The following RCSD1 variants were observed in gnomAD, a reference collection of about 807,000 sequenced individuals.
RCSD1 encodes capZ-interacting protein.
In RCSD1, 26 loss-of-function variants were observed where a neutral mutation model predicts 42.5. The ratio of observed to expected loss-of-function variants is 0.61; its 90% confidence interval spans 0.45 to 0.85. The LOEUF (loss-of-function observed/expected upper bound fraction) is 0.85. RCSD1 is among the 40% of genes least tolerant of loss of function. The pLI is 0.00. For missense variants in RCSD1, 571 were observed against 528.3 expected, an observed-to-expected ratio of 1.08 and a Z score of -0.79; for synonymous variants, 220 against 212.2, an observed-to-expected ratio of 1.04 and a Z score of -0.32.
intron 1 of RCSD1, among the ~76,000 whole-genome samples, chr1:167,670,135 C>A (rs1240201874): frequency 1.3e-5 from 2 of 152,086 alleles, no homozygotes; most frequent in East Asian, 1.9e-4. Flanking sequence ...TCCTGGAGAC[C>A]AACCACCCTT....
chr1:167,640,583 T>C (rs1657981108), intron 1 of RCSD1: 1 of 152,390 alleles, frequency 6.6e-6, no homozygotes, highest in Non-Finnish European at 1.5e-5. Context: ...AGGGTCTTGC[T>C]CTGTTGCCCA....
intron 1 of RCSD1, among the ~76,000 whole-genome samples, chr1:167,678,101 G>A (rs1658992993): frequency 6.6e-6 from 1 of 152,146 alleles, no homozygotes; most frequent in Non-Finnish European, 1.5e-5. Context: ...CTCACATTGA[G>A]AATGAAAGGC....
Position 167,705,923 on chromosome 1 carries a change from T to C in RCSD1, c.*1227T>C, listed in dbSNP as rs1659747770. On this transcript the variant is annotated 3_prime_UTR_variant, in exon 7 of 7. Transcript: ENST00000367854. ...CATTTAAACTTAGGGTCGGTCCTTA[T>C]TCTGATTTGAGTATTTTAATGTCTC... 1 of 152,236 alleles carries C rather than the reference T, an allele frequency of 6.6e-6. No individual in the cohort carries two copies. 9.4% of individuals were successfully genotyped at this position (152,236 alleles called of 1,614,324 possible).
In RCSD1 at chr1:167,697,103, G is replaced by A. The variant is rs183112924; in HGVS notation, c.479G>A (p.Arg160Gln). ...TTCCTTAACACTTTCTTCTAGGTGC[G>A]GACGAGGGGCTCAATAAAAAGGCGC... ...GSHLPCYNKV[R>Q]TRGSIKRRPP... is the part of the protein sequence containing the mutation. Residue 160 changes from arginine (R) to glutamine (Q), a missense_variant, in exon 6 of 7, where the codon CGG becomes CAG. By Grantham distance (43) the Arg-to-Gln change is conservative (BLOSUM62 1). Transcript: ENST00000367854. 255 of 1,610,970 alleles carry A rather than the reference G, an allele frequency of 1.6e-4. No individual in the cohort carries two copies. The highest frequency in any genetic ancestry group is 1.7e-4 in the Middle Eastern group (1 of 6,040).
At chr1:167,665,648 T>G (rs1658639540) in intron 1 of RCSD1, among the ~76,000 whole-genome samples, 1 of 152,238 alleles carries the variant, frequency 6.6e-6, no homozygotes, top group South Asian at 2.1e-4. Flanking sequence ...TCATTTTAAT[T>G]TAGCCATTCT....
In RCSD1 at chr1:167,705,994, G is replaced by A. The variant is rs1378101706; in HGVS notation, c.*1298G>A. On this transcript the variant is annotated 3_prime_UTR_variant, in exon 7 of 7. Coordinates refer to ENST00000367854, the MANE Select transcript of RCSD1 (RefSeq NM_052862.4). ...GGAAGAATTATTCTTCTGGAGGTCT[G>A]TTAGACTACATCCTACACTGACTTC... The A allele has an allele frequency of 6.6e-6, 1 of 152,184 alleles. No individual in the cohort carries two copies. Among genetic ancestry groups the A allele is most frequent in the Non-Finnish European group, 1.5e-5 (1 of 68,038 alleles). 9.4% of individuals were successfully genotyped at this position (152,184 alleles called of 1,614,324 possible).
chr1:167,686,437 A>C (rs1571096987), intron 3 of RCSD1, among the ~76,000 whole-genome samples: 1 of 152,216 alleles, frequency 6.6e-6, no homozygotes, highest in African/African-American at 2.4e-5. Context: ...AACAGCTGAA[A>C]TAGATCAATG....
chr1:167,686,126 T>C (rs1439905208), intron 3 of RCSD1, among the ~76,000 whole-genome samples: 5 of 152,212 alleles, frequency 3.3e-5, no homozygotes, highest in Non-Finnish European at 5.9e-5. Context: ...CCTATCTTTA[T>C]TTATCTAATT....
intron 1 of RCSD1, among the ~76,000 whole-genome samples, chr1:167,653,531 A>G (rs369596298): frequency 6.6e-6 from 1 of 152,230 alleles, no homozygotes; most frequent in Non-Finnish European, 1.5e-5. Context: ...ACAGAGCCTC[A>G]GTCTTTATCC....
chr1:167,685,612 T>G, intron 3 of RCSD1, 102 bp downstream of exon 3: 1 of 861,818 alleles, frequency 1.2e-6, no homozygotes, highest in Non-Finnish European at 1.9e-6. Context: ...ACTTTAAAGC[T>G]CAGACTCTGT....
Position 167,694,290 on chromosome 1 carries a change from C to T in RCSD1, c.462C>T (p.Pro154=). The change falls in exon 5 of 7, where the codon CCC becomes CCT. Residue 154 remains proline (P), a synonymous_variant. Coordinates refer to ENST00000367854, the MANE Select transcript of RCSD1 (RefSeq NM_052862.4). ...AGCCCCCTGAAGGCAGTCATCTGCC[C>T]TGTTACAACAAGGTAAATTCTAGCT... is the stretch of plus-strand genomic sequence containing the variant. The part of the protein sequence containing the change: ...FDQPPEGSHL[P]CYNKVRTRGS... The T allele has an allele frequency of 1.2e-6, 2 of 1,614,014 alleles. No individual in the cohort carries two copies. The highest frequency in any genetic ancestry group is 1.7e-5 in the Admixed American group (1 of 59,996).
chr1:167,680,548 A>G (rs549022780), intron 1 of RCSD1, among the ~76,000 whole-genome samples: 1 of 152,028 alleles, frequency 6.6e-6, no homozygotes, highest in Non-Finnish European at 1.5e-5. Context: ...TGATGTGAGC[A>G]GGGCTTACTG....
At chr1:167,679,543 G>GGGT (rs1659029624) in intron 1 of RCSD1, among the ~76,000 whole-genome samples, 1 of 152,244 alleles carries the variant, frequency 6.6e-6, no homozygotes, top group African/African-American at 2.4e-5. Context: ...CACACTGGAA[G>GGGT]GGGTGATCCC....
chr1:167,669,265 G>T (rs1658744505), intron 1 of RCSD1, among the ~76,000 whole-genome samples: 1 of 152,244 alleles, frequency 6.6e-6, no homozygotes, highest in Non-Finnish European at 1.5e-5. Context: ...CATTGGTGCA[G>T]ATACAGACTG....
At chr1:167,646,724 C>T (rs1206824193) in intron 1 of RCSD1, among the ~76,000 whole-genome samples, 1 of 152,122 alleles carries the variant, frequency 6.6e-6, no homozygotes, top group Non-Finnish European at 1.5e-5. Context: ...TGTGTGACCC[C>T]CTCCTTTCCA....
At chr1:167,682,312 G>A (rs1056732131) in intron 1 of RCSD1, among the ~76,000 whole-genome samples, 4 of 152,132 alleles carry the variant, frequency 2.6e-5, no homozygotes, top group Non-Finnish European at 4.4e-5. Context: ...TGAGATTACA[G>A]GTGCACACCA....
intron 1 of RCSD1, among the ~76,000 whole-genome samples, chr1:167,633,286 A>G (rs920494925): frequency 5.3e-5 from 8 of 152,218 alleles, no homozygotes; most frequent in Non-Finnish European, 1.0e-4. Flanking sequence ...TAATCTTCAA[A>G]TGCATAAATG....
chr1:167,650,687 T>G (rs936898030), intron 1 of RCSD1, among the ~76,000 whole-genome samples: 4 of 152,066 alleles, frequency 2.6e-5, no homozygotes, highest in African/African-American at 9.7e-5. Context: ...CATTTTGAGT[T>G]TTAGAAACAA....
chr1:167,690,197 G>A, intron 4 of RCSD1, 77 bp downstream of exon 4: 1 of 1,363,676 alleles, frequency 7.3e-7, no homozygotes, highest in East Asian at 2.3e-5. Context: ...TGACTTTGAG[G>A]CTCATAGGGG....
Sources: gnomAD v4.1 joint callset for allele counts (sites outside exome capture counted in the v4.1 genomes callset) on GRCh38, gnomAD v4.1.1 for gene constraint, MANE v1.5 for transcripts, NCBI Gene and HGNC (gene_info 2026-07-23, HGNC 2026-07-21) for gene names.